Variants in SEZ6L observed in about 807,000 individuals in gnomAD.
SEZ6L encodes seizure related 6 homolog like.
Under a neutral mutation model 106.2 loss-of-function variants are expected in SEZ6L, and 37 were observed. That is an observed-to-expected ratio of 0.35 (90% CI 0.27 to 0.46). The LOEUF (loss-of-function observed/expected upper bound fraction) is 0.46. Ranked by LOEUF, SEZ6L falls within the 20% of genes least tolerant of loss-of-function variation. SEZ6L has a pLI of 1.00. For synonymous variants in SEZ6L, 541 were observed against 570.4 expected, an observed-to-expected ratio of 0.95 and a Z score of 0.73; for missense variants, 1,172 against 1,332.8, an observed-to-expected ratio of 0.88 and a Z score of 1.88.
chr22:26,248,036 C>A (rs773467794), intron 1 of SEZ6L, among the ~76,000 whole-genome samples: 10 of 152,164 alleles, frequency 6.6e-5, no homozygotes, highest in Non-Finnish European at 1.2e-4. Flanking sequence ...GTCTCCATCA[C>A]AGAGAGCCAG....
intron 10 of SEZ6L, among the ~76,000 whole-genome samples, chr22:26,343,502 A>G (rs1452016181): frequency 1.3e-5 from 2 of 152,160 alleles, no homozygotes; most frequent in Non-Finnish European, 2.9e-5. Context: ...AACATATATT[A>G]TTTTATTTCA....
At chr22:26,347,938 T>G in intron 11 of SEZ6L, 25 bp downstream of exon 11, 1 of 1,525,386 alleles carries the variant, frequency 6.6e-7, no homozygotes, top group Non-Finnish European at 8.8e-7. Flanking sequence ...GTTTCCTTCC[T>G]CTAGGTCCCT....
intron 1 of SEZ6L, among the ~76,000 whole-genome samples, chr22:26,206,660 C>T (rs531331209): frequency 1.3e-5 from 2 of 152,056 alleles, no homozygotes; most frequent in Non-Finnish European, 2.9e-5. Context: ...TTGTCTGTGA[C>T]GAAACAGTGA....
chr22:26,206,905 GA>G (rs1225499553), intron 1 of SEZ6L, among the ~76,000 whole-genome samples: 2 of 152,198 alleles, frequency 1.3e-5, no homozygotes, highest in African/African-American at 4.8e-5. Flanking sequence ...TAGGCCTGAT[GA>G]AGCCACAGTG....
chr22:26,280,374 T>G (rs2080723125), intron 1 of SEZ6L, among the ~76,000 whole-genome samples: 1 of 152,202 alleles, frequency 6.6e-6, no homozygotes, highest in African/African-American at 2.4e-5. Context: ...CCACCTCCCC[T>G]GTAACCAACA....
At chr22:26,255,466 C>A (rs2079781020) in intron 1 of SEZ6L, among the ~76,000 whole-genome samples, 1 of 152,310 alleles carries the variant, frequency 6.6e-6, no homozygotes, top group Middle Eastern at 3.4e-3. Context: ...CACAAGCCTC[C>A]CTTGCCCACT....
At chr22:26,371,413 A>G (rs1004954038) in intron 13 of SEZ6L, among the ~76,000 whole-genome samples, 10 of 152,154 alleles carry the variant, frequency 6.6e-5, no homozygotes, top group Admixed American at 3.3e-4. Flanking sequence ...CCAGCACTGT[A>G]TGTTTTCAAT....
Position 26,292,984 on chromosome 22 carries a change from G to C in SEZ6L, c.673G>C (p.Gly225Arg). ...CCAGAGGCCAGAACCCGGGGAGCCT[G>C]GGCCTGACATGGCCCAGGAGGCCCC... ...LPQRPEPGEPGPDMAQEAPQE... is the reference protein window; with the variant it reads ...LPQRPEPGEPRPDMAQEAPQE... The change falls in exon 2 of 17, where the codon GGG becomes CGG. Residue 225 changes from glycine (G) to arginine (R), a missense_variant. Transcript: ENST00000248933. 1 of 1,613,970 alleles carries C rather than the reference G, an allele frequency of 6.2e-7. No individual in the cohort carries two copies. The highest frequency in any genetic ancestry group is 8.5e-7 in the Non-Finnish European group (1 of 1,179,960).
chr22:26,292,760 C>A lies in SEZ6L; in HGVS notation c.449C>A (p.Ala150Glu). Residue 150 changes from alanine to glutamate, a missense_variant, in exon 2 of 17, where the codon GCG (alanine) becomes GAG (glutamate). Physicochemically the swap from Ala to Glu is moderately radical, Grantham distance 107 (BLOSUM62 -1). This residue lies in a region of SEZ6L where 494 missense variants were observed against 445.8 expected (regional missense o/e 1.11). Transcript: ENST00000248933. The stretch of plus-strand genomic sequence containing the variant: ...GTCCAAAGGGCAGGGTCCCAGCCAG[C>A]GTCCCAGGGCCTAGATCTCCTCTCC... ...ATVQRAGSQP[A>E]SQGLDLLSSS... The A allele has an allele frequency of 1.2e-6, 2 of 1,614,124 alleles. No individual in the cohort carries two copies. The highest frequency in any genetic ancestry group is 2.2e-5 in the South Asian group (2 of 91,088).
At chr22:26,284,364 T>C (rs2080862373) in intron 1 of SEZ6L, among the ~76,000 whole-genome samples, 1 of 152,174 alleles carries the variant, frequency 6.6e-6, no homozygotes, top group Non-Finnish European at 1.5e-5. Context: ...CCCAGCACTT[T>C]GGGAGGCCAA....
At chr22:26,301,776 T>C (rs78868277) in intron 5 of SEZ6L, among the ~76,000 whole-genome samples, 12,482 of 152,200 alleles carry the variant, frequency 0.082, 621 homozygotes, top group Middle Eastern at 0.13. Context: ...CACTAGCACA[T>C]GCTAAGGTTC....
intron 1 of SEZ6L, among the ~76,000 whole-genome samples, chr22:26,280,166 G>A (rs1230083955): frequency 6.6e-6 from 1 of 152,138 alleles, no homozygotes; most frequent in Admixed American, 6.5e-5. Context: ...TTCACACTGA[G>A]TTGTGTTGAC....
intron 1 of SEZ6L, among the ~76,000 whole-genome samples, chr22:26,287,308 C>T (rs916592042): frequency 6.6e-6 from 1 of 151,996 alleles, no homozygotes; most frequent in Non-Finnish European, 1.5e-5. Flanking sequence ...TGTGTGTTTT[C>T]CTAACTCCTT....
chr22:26,268,628 C>T (rs1460263298), intron 1 of SEZ6L, among the ~76,000 whole-genome samples: 1 of 152,232 alleles, frequency 6.6e-6, no homozygotes, highest in Non-Finnish European at 1.5e-5. Flanking sequence ...GCCAGGGTCT[C>T]TCCATCTCCG....
intron 9 of SEZ6L, among the ~76,000 whole-genome samples, chr22:26,334,056 C>T (rs2082571947): frequency 6.6e-6 from 1 of 152,014 alleles, no homozygotes; most frequent in African/African-American, 2.4e-5. Context: ...CCTATAGAGC[C>T]TTGAGACTAG....
At position 26,294,721 on chromosome 22, in the gene SEZ6L, AACACACACAC is replaced by A. The variant is rs56000206; in HGVS notation, c.969+323_969+332del. ...ATACACACACGCATGCACGTGCATA[AACACACACAC>A]ACACACACACACACACACACACACA... On this transcript the variant is annotated intron_variant, in intron 3 of 16. Transcript: ENST00000248933. 7.1e-3 allele frequency among the ~76,000 whole-genome samples: 1,051 copies of A among 148,164 alleles called. 8 individuals carry two copies. The highest frequency in any genetic ancestry group is 0.039 in the South Asian group (175 of 4,512).
At chr22:26,340,173 T>G (rs894004848) in intron 9 of SEZ6L, among the ~76,000 whole-genome samples, 4 of 152,096 alleles carry the variant, frequency 2.6e-5, no homozygotes, top group Non-Finnish European at 4.4e-5. Flanking sequence ...AAGGCAGAGA[T>G]TGCAGCGAGC....
chr22:26,363,543 A>G (rs1463863527), intron 12 of SEZ6L, among the ~76,000 whole-genome samples: 1 of 152,200 alleles, frequency 6.6e-6, no homozygotes, highest in Non-Finnish European at 1.5e-5. Context: ...TTCTGAAGTT[A>G]TGATGATGAT....
At chr22:26,311,993 C>T in intron 8 of SEZ6L, 31 bp downstream of exon 8, 1 of 1,595,338 alleles carries the variant, frequency 6.3e-7, no homozygotes, top group Non-Finnish European at 8.6e-7. Flanking sequence ...CTTCCCACGG[C>T]ACCCCAGGGA....
Sources: allele counts gnomAD v4.1 joint callset (sites outside exome capture counted in the v4.1 genomes callset), GRCh38; gene constraint gnomAD v4.1.1; regional missense constraint gnomAD v4.1.1; transcripts MANE v1.5; gene names NCBI Gene and HGNC (gene_info 2026-07-23, HGNC 2026-07-21).